The following RUNX2 variants were observed in gnomAD, a reference collection of about 807,000 sequenced individuals.
The protein encoded by RUNX2 is runt-related transcription factor 2.
A neutral mutation model predicts 51.7 loss-of-function variants in RUNX2; 10 were observed. That is an observed-to-expected ratio of 0.19 (90% CI 0.12 to 0.33). The LOEUF (loss-of-function observed/expected upper bound fraction) is 0.33, where lower values mean the gene tolerates loss of function less well. RUNX2 is among the 10% of genes least tolerant of loss of function. The pLI is 1.00. For synonymous variants in RUNX2, 276 were observed against 273.6 expected (o/e 1.01, Z -0.09); for missense variants, 562 against 691.3 (o/e 0.81, Z 2.10).
chr6:45,366,959 C>A (rs1220983991), intron 2 of RUNX2, among the ~76,000 whole-genome samples: 1 of 152,136 alleles, frequency 6.6e-6, no homozygotes, highest in East Asian at 1.9e-4. Flanking sequence ...TCTAATCTAA[C>A]CACTCCTGTG....
intron 2 of RUNX2, among the ~76,000 whole-genome samples, chr6:45,354,586 T>G (rs1337387477): frequency 1.3e-5 from 2 of 151,760 alleles, no homozygotes; most frequent in Non-Finnish European, 2.9e-5. Context: ...CATTTAAGGC[T>G]TCCTGATTTA....
intron 2 of RUNX2, among the ~76,000 whole-genome samples, chr6:45,408,744 A>G (rs1291331922): frequency 6.6e-6 from 1 of 152,100 alleles, no homozygotes; most frequent in African/African-American, 2.4e-5. Flanking sequence ...GTGTGGTTAC[A>G]AGACAGAGTC....
chr6:45,388,457 T>C (rs1214285940), intron 2 of RUNX2, among the ~76,000 whole-genome samples: 3 of 152,150 alleles, frequency 2.0e-5, no homozygotes, highest in African/African-American at 7.2e-5. Flanking sequence ...TCGTTAGAAA[T>C]GAATATTTGG....
chr6:45,525,574 G>C (rs1057332442), intron 7 of RUNX2, among the ~76,000 whole-genome samples: 1 of 152,160 alleles, frequency 6.6e-6, no homozygotes, highest in African/African-American at 2.4e-5. Context: ...CTTTAAGCGT[G>C]AACTGAGTTA....
intron 2 of RUNX2, among the ~76,000 whole-genome samples, chr6:45,341,859 T>A (rs1581723451): frequency 6.6e-6 from 1 of 152,156 alleles, no homozygotes; most frequent in East Asian, 1.9e-4. Flanking sequence ...CCTACAATTA[T>A]TCACACTTAT....
intron 2 of RUNX2, among the ~76,000 whole-genome samples, chr6:45,334,578 C>T (rs1788174945): frequency 6.6e-6 from 1 of 150,704 alleles, no homozygotes. Context: ...TGATATTCCA[C>T]AGAACTTCAC....
At position 45,547,225 on chromosome 6, in the gene RUNX2, G is replaced by A; in HGVS notation, c.1486G>A (p.Ala496Thr). Residue 496 changes from alanine (A) to threonine (T), a missense_variant, in exon 9 of 9, where the codon GCT becomes ACT. Coordinates refer to ENST00000647337, the MANE Select transcript of RUNX2 (RefSeq NM_001024630.4). ...GCCTAACCAGAATGATGGTGTTGAC[G>A]CTGATGGAAGCCACAGCAGTTCCCC... ...NLPNQNDGVDADGSHSSSPTV... is the reference protein window; with the variant it reads ...NLPNQNDGVDTDGSHSSSPTV... The A allele has an allele frequency of 1.2e-6, 2 of 1,614,150 alleles. No homozygotes were observed. The highest frequency in any genetic ancestry group is 8.5e-7 in the Non-Finnish European group (1 of 1,180,022).
At chr6:45,500,348 C>G (rs1800770217) in intron 6 of RUNX2, among the ~76,000 whole-genome samples, 3 of 152,138 alleles carry the variant, frequency 2.0e-5, no homozygotes, top group Admixed American at 2.0e-4. Context: ...AACTGTATGG[C>G]ACTACTCCCA....
intron 7 of RUNX2, among the ~76,000 whole-genome samples, chr6:45,518,646 T>C (rs7754187): frequency 1.3e-5 from 2 of 151,996 alleles, no homozygotes; most frequent in Non-Finnish European, 2.9e-5. Flanking sequence ...CTCTGATTTT[T>C]TACATGGTTT....
chr6:45,361,268 A>T (rs546979769), intron 2 of RUNX2, among the ~76,000 whole-genome samples: 79 of 152,306 alleles, frequency 5.2e-4, no homozygotes, highest in African/African-American at 1.8e-3. Flanking sequence ...ATATAAAAGT[A>T]ACATGTAAAC....
At chr6:45,495,447 C>A (rs945773280) in intron 6 of RUNX2, among the ~76,000 whole-genome samples, 1 of 152,168 alleles carries the variant, frequency 6.6e-6, no homozygotes, top group South Asian at 2.1e-4. Flanking sequence ...TTAAACTGTT[C>A]GGTTTTATTC....
chr6:45,448,082 G>A (rs1219772554), intron 5 of RUNX2, among the ~76,000 whole-genome samples: 1 of 152,212 alleles, frequency 6.6e-6, no homozygotes, highest in African/African-American at 2.4e-5. Flanking sequence ...GAAGGGAAAT[G>A]TTTCTAAGCT....
intron 5 of RUNX2, among the ~76,000 whole-genome samples, chr6:45,481,152 C>T (rs1240512867): frequency 1.3e-5 from 2 of 152,110 alleles, no homozygotes; most frequent in Admixed American, 6.5e-5. Flanking sequence ...TGCACAAAAC[C>T]TTAATAATGA....
At chr6:45,393,558 T>C (rs1212846726) in intron 2 of RUNX2, among the ~76,000 whole-genome samples, 1 of 152,006 alleles carries the variant, frequency 6.6e-6, no homozygotes, top group East Asian at 1.9e-4. Context: ...GCCTCCCGAA[T>C]AGCTGGGACT....
chr6:45,459,313 TA>T (rs1419694721), intron 5 of RUNX2, among the ~76,000 whole-genome samples: 1 of 152,202 alleles, frequency 6.6e-6, no homozygotes, highest in Non-Finnish European at 1.5e-5. Flanking sequence ...TACCTAAAAA[TA>T]ACTGAATATA....
At chr6:45,466,721 A>G (rs1412629446) in intron 5 of RUNX2, among the ~76,000 whole-genome samples, 1 of 152,158 alleles carries the variant, frequency 6.6e-6, no homozygotes, top group Non-Finnish European at 1.5e-5. Context: ...GATAAATCCT[A>G]TTTCCATTAA....
At chr6:45,444,028 T>C (rs1643276975) in intron 5 of RUNX2, among the ~76,000 whole-genome samples, 1 of 152,174 alleles carries the variant, frequency 6.6e-6, no homozygotes, top group African/African-American at 2.4e-5. Context: ...TTTTTATATT[T>C]TTAGTAGAGA....
intron 2 of RUNX2, among the ~76,000 whole-genome samples, chr6:45,400,813 C>T (rs1349070952): frequency 6.6e-6 from 1 of 152,166 alleles, no homozygotes; most frequent in Non-Finnish European, 1.5e-5. Context: ...TGCTGCAAAA[C>T]AAACAACGTA....
At chr6:45,526,483 G>A (rs958628656) in intron 7 of RUNX2, among the ~76,000 whole-genome samples, 1 of 152,070 alleles carries the variant, frequency 6.6e-6, no homozygotes, top group Admixed American at 6.6e-5. Context: ...GTGATCACAG[G>A]ACCAGGCTTT....
Sources: allele counts gnomAD v4.1 joint callset (sites outside exome capture counted in the v4.1 genomes callset), GRCh38; gene constraint gnomAD v4.1.1; transcripts MANE v1.5; gene names NCBI Gene and HGNC (gene_info 2026-07-23, HGNC 2026-07-21).